HDAC4: variants seen among roughly 807,000 people sequenced by gnomAD.
HDAC4 encodes the protein histone deacetylase 4, also known as histone deacetylase A.
In HDAC4, 16 loss-of-function variants were observed where a neutral mutation model predicts 135.1. That is an observed-to-expected ratio of 0.12 (90% CI 0.08 to 0.18). The LOEUF (loss-of-function observed/expected upper bound fraction) is 0.18, where lower values mean the gene tolerates loss of function less well. HDAC4 is among the 10% of genes least tolerant of loss of function. The pLI is 1.00. For missense variants in HDAC4, 1,143 were observed against 1,511.8 expected (o/e 0.76, Z 4.05); for synonymous variants, 685 against 653.4 (o/e 1.05, Z -0.74).
chr2:239,170,311 TCATTA>T (rs1230242176), intron 5 of HDAC4, among the ~76,000 whole-genome samples: 1 of 152,230 alleles, frequency 6.6e-6, no homozygotes, highest in African/African-American at 2.4e-5. Context: ...GTTATAACAT[TCATTA>T]CATTAAAAAT....
chr2:239,065,917 C>T (rs2033411074), intron 24 of HDAC4, among the ~76,000 whole-genome samples: 1 of 152,258 alleles, frequency 6.6e-6, no homozygotes, highest in African/African-American at 2.4e-5. Context: ...GGTTCAGAGG[C>T]TCAGGAAGAG....
chr2:239,191,947 T>C (rs2044990441), intron 3 of HDAC4, among the ~76,000 whole-genome samples: 1 of 152,228 alleles, frequency 6.6e-6, no homozygotes, highest in Non-Finnish European at 1.5e-5. Flanking sequence ...GCCTCGTTGT[T>C]ATTGTTGTTT....
In HDAC4 at chr2:239,100,322, C is replaced by T. The variant is rs190782876; in HGVS notation, c.2233+2454G>A. Among the ~76,000 whole-genome samples, 31 of 152,358 alleles carry T rather than the reference C, an allele frequency of 2.0e-4. 1 individual carries two copies. Among genetic ancestry groups the T allele is most frequent in the Admixed American group, 5.2e-4 (8 of 15,310 alleles). ...TTCCCAGAGCTGTCACGTTTTGCTC[C>T]AGTTTCTGGGAGATGACATCACCGT... On this transcript the variant is annotated intron_variant, in intron 16 of 26. Coordinates refer to ENST00000543185, the MANE Select transcript of HDAC4 (RefSeq NM_001378414.1).
At chr2:239,098,530 C>G (rs998367588) in intron 16 of HDAC4, among the ~76,000 whole-genome samples, 1 of 152,260 alleles carries the variant, frequency 6.6e-6, no homozygotes, top group African/African-American at 2.4e-5. Flanking sequence ...ACCCTGCCAG[C>G]TGACATGAGC....
At chr2:239,366,918 A>G (rs1694259601) in intron 1 of HDAC4, among the ~76,000 whole-genome samples, 1 of 148,962 alleles carries the variant, frequency 6.7e-6, no homozygotes, top group Non-Finnish European at 1.5e-5. Flanking sequence ...CTCTTCCACC[A>G]TAACCACCAT....
intron 2 of HDAC4, among the ~76,000 whole-genome samples, chr2:239,247,802 G>A (rs1559281246): frequency 6.6e-6 from 1 of 152,196 alleles, no homozygotes; most frequent in Non-Finnish European, 1.5e-5. Flanking sequence ...GCGCGGCTGG[G>A]AGCATCAAAG....
At chr2:239,066,991 T>A in intron 23 of HDAC4, 136 bp from the exon 24 acceptor site, 2 of 1,070,740 alleles carry the variant, frequency 1.9e-6, no homozygotes, top group Non-Finnish European at 2.8e-6. Flanking sequence ...GGGTTTCGTT[T>A]AATAAATTCG....
chr2:239,176,483 C>T lies in HDAC4; in HGVS notation c.420G>A (p.Glu140=), dbSNP rs1334565693. The T allele has an allele frequency of 2.5e-6, 4 of 1,613,542 alleles. No individual in the cohort carries two copies. The highest frequency in any genetic ancestry group is 3.4e-6 in the Non-Finnish European group (4 of 1,179,842). The change falls in exon 5 of 27, where the codon GAG becomes GAA. Residue 140 remains glutamate, a synonymous_variant. Coordinates refer to ENST00000543185, the MANE Select transcript of HDAC4 (RefSeq NM_001378414.1). ...HQRKLERHRQ[E]QELEKQHREQ... ...CCCGGTGCTGCTTCTCCAGCTCCTG[C>T]TCCTGGCGGTGCCTCTCCAGCTTCC...
chr2:239,081,411 C>T (rs1359179262), intron 21 of HDAC4, among the ~76,000 whole-genome samples: 1 of 152,234 alleles, frequency 6.6e-6, no homozygotes, highest in Non-Finnish European at 1.5e-5. Flanking sequence ...CTTTTCCTGG[C>T]TGCTGTAGGC....
intron 3 of HDAC4, among the ~76,000 whole-genome samples, chr2:239,201,434 C>A (rs1251219627): frequency 6.6e-6 from 1 of 152,204 alleles, no homozygotes; most frequent in East Asian, 1.9e-4. Context: ...GGGGCCTGCC[C>A]GACCCCTCGG....
intron 2 of HDAC4, among the ~76,000 whole-genome samples, chr2:239,266,428 T>A (rs1308978960): frequency 6.6e-6 from 1 of 152,192 alleles, no homozygotes; most frequent in East Asian, 1.9e-4. Context: ...ACAGCCCACC[T>A]GCCCAGGGGG....
intron 3 of HDAC4, among the ~76,000 whole-genome samples, chr2:239,230,643 G>A (rs1347721950): frequency 6.6e-6 from 1 of 152,192 alleles, no homozygotes; most frequent in Non-Finnish European, 1.5e-5. Context: ...ATGGCCGTGG[G>A]TCCTTCACTG....
intron 1 of HDAC4, among the ~76,000 whole-genome samples, chr2:239,399,285 T>A (rs1696778530): frequency 6.6e-6 from 1 of 152,234 alleles, no homozygotes; most frequent in South Asian, 2.1e-4. Context: ...TATAATAGAG[T>A]AATTGTGTTG....
intron 3 of HDAC4, among the ~76,000 whole-genome samples, chr2:239,234,407 T>G (rs1325055554): frequency 6.6e-6 from 1 of 152,096 alleles, no homozygotes; most frequent in African/African-American, 2.4e-5. Flanking sequence ...CTTCCCAACA[T>G]GCCACTTCTC....
chr2:239,232,483 C>T (rs932215170), intron 3 of HDAC4, among the ~76,000 whole-genome samples: 13 of 152,170 alleles, frequency 8.5e-5, no homozygotes, highest in African/African-American at 3.1e-4. Context: ...GCCCCCACCC[C>T]ACCCTGCCAC....
intron 16 of HDAC4, among the ~76,000 whole-genome samples, chr2:239,097,771 G>C (rs1475419581): frequency 6.6e-6 from 1 of 151,232 alleles, no homozygotes; most frequent in East Asian, 1.9e-4. Context: ...CTTGCTGCCC[G>C]TCGTCTGTAG....
intron 1 of HDAC4, among the ~76,000 whole-genome samples, chr2:239,399,406 C>A (rs763737408): frequency 5.3e-5 from 8 of 152,142 alleles, no homozygotes; most frequent in Non-Finnish European, 7.4e-5. Context: ...TCCCTTCCAC[C>A]CTCCCTCTCC....
intron 2 of HDAC4, among the ~76,000 whole-genome samples, chr2:239,311,862 A>G (rs1031737216): frequency 6.6e-6 from 1 of 152,160 alleles, no homozygotes; most frequent in Non-Finnish European, 1.5e-5. Flanking sequence ...TCCTTGACCT[A>G]AGAGGCCTTG....
At chr2:239,125,222 G>C (rs184426149) in intron 12 of HDAC4, among the ~76,000 whole-genome samples, 1 of 152,256 alleles carries the variant, frequency 6.6e-6, no homozygotes, top group South Asian at 2.1e-4. Context: ...GATTTGGCAT[G>C]AACGGCTGAA....
Sources: allele counts gnomAD v4.1 joint callset (sites outside exome capture counted in the v4.1 genomes callset), GRCh38; gene constraint gnomAD v4.1.1; transcripts MANE v1.5; gene names NCBI Gene and HGNC (gene_info 2026-07-23, HGNC 2026-07-21).